The following TIMM50 variants were observed in gnomAD, a reference collection of about 807,000 sequenced individuals.
TIMM50 encodes the protein translocase of inner mitochondrial membrane 50.
A neutral mutation model predicts 49.6 loss-of-function variants in TIMM50; 34 were observed. The observed-to-expected ratio is 0.69, with a 90% CI of 0.52 to 0.91. The LOEUF (loss-of-function observed/expected upper bound fraction) is 0.91, where lower values mean the gene tolerates loss of function less well. Among genes scored for constraint, TIMM50 ranks in the 40% least tolerant of loss-of-function variants. The probability of loss-of-function intolerance (pLI) is 0.00; values close to 1 mark genes in which losing one functional copy is unlikely to be tolerated. For synonymous variants in TIMM50, 199 were observed against 198.4 expected (o/e 1.00, Z -0.03); for missense variants, 458 against 477.8 (o/e 0.96, Z 0.39).
chr19:39,490,464 C>T lies in TIMM50; in HGVS notation c.*644C>T, dbSNP rs1285380286. On this transcript the variant is annotated 3_prime_UTR_variant, in exon 11 of 11. Coordinates refer to ENST00000607714, the MANE Select transcript of TIMM50 (RefSeq NM_001001563.5). ...TCTTAGCTTACAACAGCCTTGACCT[C>T]CCGGCTCAAGTGATCTCCAAGTGAC... 1 of 148,932 alleles carries T rather than the reference C, an allele frequency of 6.7e-6. No homozygotes were observed. The highest frequency in any genetic ancestry group is 1.9e-4 in the East Asian group (1 of 5,170). 9.2% of individuals were successfully genotyped at this position (148,932 alleles called of 1,614,324 possible).
intron 2 of TIMM50, among the ~76,000 whole-genome samples, chr19:39,482,386 G>C (rs1224103142): frequency 1.3e-5 from 2 of 152,106 alleles, no homozygotes. Context: ...GGCCGGGCAC[G>C]GTGGCTCACG....
rs771507625 is a variant in TIMM50 at position 39,491,020 on chromosome 19, A to AAAAAT, written c.*1215_*1219dup. On this transcript the variant is annotated 3_prime_UTR_variant, in exon 11 of 11. Transcript: ENST00000607714. ...GCAACAGCAGCGAAACTCCATCTCA[A>AAAAAT]AAAATAAAATAAAATAAAAATAAAA... The AAAAAT allele has an allele frequency of 3.0e-4, 46 of 151,858 alleles. No homozygotes were observed. Among genetic ancestry groups the AAAAAT allele is most frequent in the African/African-American group, 1.1e-3 (44 of 41,354 alleles). 9.4% of individuals were successfully genotyped at this position (151,858 alleles called of 1,614,324 possible).
chr19:39,481,743 G>A (rs2079473288), intron 1 of TIMM50, 140 bp from the exon 2 acceptor site: 3 of 1,102,938 alleles, frequency 2.7e-6, no homozygotes, highest in East Asian at 2.4e-5. Context: ...CATCCTGACT[G>A]CTACTCCAGG....
chr19:39,484,490 G>A (rs1400707150), intron 4 of TIMM50, among the ~76,000 whole-genome samples: 2 of 152,028 alleles, frequency 1.3e-5, no homozygotes, highest in Non-Finnish European at 2.9e-5. Context: ...CCCTATTGAC[G>A]CTTTGGACCA....
At chr19:39,487,267 G>T (rs1425737495) in intron 8 of TIMM50, among the ~76,000 whole-genome samples, 3 of 152,024 alleles carry the variant, frequency 2.0e-5, no homozygotes, top group Admixed American at 6.6e-5. Flanking sequence ...TATCCTGGGG[G>T]TTGTTTTGTT....
At position 39,486,343 on chromosome 19, in the gene TIMM50, A is replaced by T. The variant is rs189830660; in HGVS notation, c.597+52A>T. ...TATTGGTGTGGTGGGAGGCGTAGAGATCTGGAGGACCAGGGCTCAGCCTGA... is the reference window on the plus strand; with the variant it reads ...TATTGGTGTGGTGGGAGGCGTAGAGTTCTGGAGGACCAGGGCTCAGCCTGA... On this transcript the variant is annotated intron_variant, in intron 7 of 10. Transcript: ENST00000607714. 212 of 1,612,822 alleles carry T rather than the reference A, an allele frequency of 1.3e-4. No individual in the cohort carries two copies. The East Asian group carries it at 1.5e-3, about 12-fold the overall frequency.
chr19:39,483,380 G>C, intron 4 of TIMM50: 1 of 575,218 alleles, frequency 1.7e-6, no homozygotes, highest in Non-Finnish European at 3.1e-6. Context: ...TGGGGGATTG[G>C]AGCCTTGGGT....
Position 39,492,770 on chromosome 19 carries a change from C to CT in TIMM50, c.*2951dup, listed in dbSNP as rs2079553932. 7.2e-6 allele frequency: 1 copy of CT among 139,534 alleles called. No individual in the cohort carries two copies. The highest frequency in any genetic ancestry group is 8.0e-5 in the Admixed American group (1 of 12,502). The allele number at this position is 139,534 out of a possible 1,614,324, so 8.6% of individuals were successfully genotyped here. A position where few individuals can be genotyped will look rare whatever the true frequency, so the allele number is the denominator to read the frequency against. On this transcript the variant is annotated 3_prime_UTR_variant, in exon 11 of 11. Transcript: ENST00000607714. ...CCTGTAATCCCAGCTACTTGGGAGG[C>CT]TGAGGCAGGAGAATCGATTAAACCC...
chr19:39,490,080 C>T lies in TIMM50; in HGVS notation c.*260C>T. 3.8e-6 allele frequency: 2 copies of T among 527,162 alleles called. No homozygotes were observed. The highest frequency in any genetic ancestry group is 3.4e-6 in the Non-Finnish European group (1 of 292,856). 32.7% of individuals were successfully genotyped at this position (527,162 alleles called of 1,614,324 possible). On this transcript the variant is annotated 3_prime_UTR_variant, in exon 11 of 11. Transcript: ENST00000607714. The stretch of plus-strand genomic sequence containing the variant: ...TCACCCTGGTCTCGGAATCTAAAAA[C>T]CCTCGCTGTGTCTTCCTGTGTGTTG...
intron 4 of TIMM50, chr19:39,483,488 C>A (rs752448473): frequency 1.5e-5 from 5 of 336,948 alleles, no homozygotes; most frequent in Admixed American, 4.5e-5. Context: ...CCCCATCCCC[C>A]TCGAGCCCCT....
At chr19:39,482,379 C>T (rs1244772152) in intron 2 of TIMM50, among the ~76,000 whole-genome samples, 7 of 152,002 alleles carry the variant, frequency 4.6e-5, no homozygotes, top group Non-Finnish European at 8.8e-5. Context: ...CAGACCCGGC[C>T]GGGCACGGTG....
At chr19:39,488,376 G>T (rs1321112721) in intron 9 of TIMM50, among the ~76,000 whole-genome samples, 159 bp downstream of exon 9, 1 of 152,218 alleles carries the variant, frequency 6.6e-6, no homozygotes, top group Admixed American at 6.5e-5. Context: ...TGGAATGTTT[G>T]GGGGATACTT....
intron 10 of TIMM50, 21 bp from the exon 11 acceptor site, chr19:39,489,697 TC>T: frequency 1.3e-6 from 2 of 1,587,434 alleles, no homozygotes; most frequent in Non-Finnish European, 1.7e-6. Context: ...GACCCTCTCC[TC>T]CAACTGTCCC....
In TIMM50 at chr19:39,481,239, G is replaced by T. The variant is rs373329017; in HGVS notation, c.108+278G>T. The T allele has an allele frequency of 3.4e-4, 169 of 500,348 alleles. 1 individual carries two copies. The highest frequency in any genetic ancestry group is 3.3e-3 in the African/African-American group (161 of 48,908). 31.0% of individuals were successfully genotyped at this position (500,348 alleles called of 1,614,324 possible). ...TTCAGTGACCACTCAGGTGATACTTGAGCAGGAGGGGCCTGGGACGCTGGA... is the reference window on the plus strand; with the variant it reads ...TTCAGTGACCACTCAGGTGATACTTTAGCAGGAGGGGCCTGGGACGCTGGA... On this transcript the variant is annotated intron_variant, in intron 1 of 10. Coordinates refer to ENST00000607714, the MANE Select transcript of TIMM50 (RefSeq NM_001001563.5).
At chr19:39,485,232 G>A (rs1453897914) in intron 4 of TIMM50, 2 of 396,156 alleles carry the variant, frequency 5.0e-6, no homozygotes, top group South Asian at 2.3e-5. Context: ...AAAGTGCTGG[G>A]ATTACAGGCG....
chr19:39,487,991 G>T, intron 8 of TIMM50, 70 bp from the exon 9 acceptor site: 1 of 1,549,702 alleles, frequency 6.5e-7, no homozygotes. Flanking sequence ...TATGTTTTGT[G>T]TGTTTTGGGT....
chr19:39,489,068 A>G (rs1487040580), intron 10 of TIMM50, among the ~76,000 whole-genome samples: 1 of 151,996 alleles, frequency 6.6e-6, no homozygotes, highest in Non-Finnish European at 1.5e-5. Flanking sequence ...GACTGAGAGT[A>G]TGGATTGCGT....
chr19:39,487,729 G>C (rs1386610011), intron 8 of TIMM50, among the ~76,000 whole-genome samples: 1 of 152,134 alleles, frequency 6.6e-6, no homozygotes, highest in Admixed American at 6.5e-5. Flanking sequence ...AAAATTCTGG[G>C]AGTACGGTCG....
intron 1 of TIMM50, 84 bp downstream of exon 1, chr19:39,481,045 G>T (rs1015382384): frequency 2.8e-6 from 4 of 1,437,180 alleles, no homozygotes; most frequent in Non-Finnish European, 9.1e-7. Flanking sequence ...GGGGTTCCGG[G>T]ACGCCTCACC....
Sources: allele counts gnomAD v4.1 joint callset (sites outside exome capture counted in the v4.1 genomes callset), GRCh38; gene constraint gnomAD v4.1.1; transcripts MANE v1.5; gene names NCBI Gene and HGNC (gene_info 2026-07-23, HGNC 2026-07-21).